The following ACAP2 variants were observed in gnomAD, a reference collection of about 807,000 sequenced individuals.
The protein encoded by ACAP2 is arf-GAP with coiled-coil, ANK repeat and PH domain-containing protein 2.
ACAP2 carries 39 observed loss-of-function variants against 115.8 expected under a neutral mutation model. The observed-to-expected ratio is 0.34, with a 90% CI of 0.26 to 0.44. The LOEUF is 0.44. ACAP2 is among the 20% of genes least tolerant of loss of function. ACAP2 has a pLI of 1.00. For missense variants in ACAP2, 662 were observed against 927.6 expected, an observed-to-expected ratio of 0.71 and a Z score of 3.72; for synonymous variants, 289 against 315.8, an observed-to-expected ratio of 0.92 and a Z score of 0.90.
chr3:195,297,375 T>A, intron 15 of ACAP2, 94 bp from the exon 16 acceptor site: 1 of 989,146 alleles, frequency 1.0e-6, no homozygotes, highest in Non-Finnish European at 1.5e-6. Flanking sequence ...TACAGTTAAC[T>A]AATCCCCTTA....
chr3:195,355,798 C>T (rs1048868444), intron 4 of ACAP2, among the ~76,000 whole-genome samples: 1 of 152,196 alleles, frequency 6.6e-6, no homozygotes, highest in Non-Finnish European at 1.5e-5. Context: ...TCCCCATTTC[C>T]AGTTCTTACA....
At chr3:195,338,603 G>A (rs913884448) in intron 6 of ACAP2, among the ~76,000 whole-genome samples, 4 of 152,198 alleles carry the variant, frequency 2.6e-5, no homozygotes, top group Non-Finnish European at 4.4e-5. Flanking sequence ...TTACAGGAAT[G>A]AGCCCCTGCA....
chr3:195,334,232 A>C (rs1045513452), intron 7 of ACAP2, among the ~76,000 whole-genome samples: 3 of 151,992 alleles, frequency 2.0e-5, no homozygotes, highest in African/African-American at 7.2e-5. Flanking sequence ...CAAAAAAAAA[A>C]AAACCATTAA....
At chr3:195,310,850 A>G (rs960527962) in intron 10 of ACAP2, among the ~76,000 whole-genome samples, 5 of 152,122 alleles carry the variant, frequency 3.3e-5, no homozygotes, top group African/African-American at 1.2e-4. Flanking sequence ...AGAAAATATA[A>G]ACTCTTAATT....
chr3:195,379,254 C>T (rs745703649), intron 4 of ACAP2, among the ~76,000 whole-genome samples: 4 of 152,068 alleles, frequency 2.6e-5, no homozygotes, highest in Non-Finnish European at 5.9e-5. Context: ...GCAATGGATT[C>T]CCTTACACAT....
At chr3:195,299,754 T>C (rs1328282768) in intron 15 of ACAP2, among the ~76,000 whole-genome samples, 5 of 151,624 alleles carry the variant, frequency 3.3e-5, no homozygotes, top group African/African-American at 4.8e-5. Flanking sequence ...AGGAGAATGG[T>C]GTGAACCCAG....
intron 22 of ACAP2, among the ~76,000 whole-genome samples, chr3:195,283,158 T>G (rs762147898): frequency 1.3e-5 from 2 of 151,936 alleles, no homozygotes; most frequent in Non-Finnish European, 2.9e-5. Context: ...TCAAGAAGAG[T>G]CACAGAGCCA....
intron 1 of ACAP2, among the ~76,000 whole-genome samples, chr3:195,406,132 T>C (rs1334250900): frequency 6.6e-6 from 1 of 152,218 alleles, no homozygotes. Flanking sequence ...TAAACATAAA[T>C]GGAAAACTGG....
intron 1 of ACAP2, among the ~76,000 whole-genome samples, chr3:195,429,792 T>G (rs1338025589): frequency 6.6e-6 from 1 of 152,216 alleles, no homozygotes; most frequent in Non-Finnish European, 1.5e-5. Flanking sequence ...GTCACAAAAA[T>G]TTAATCTTAT....
At chr3:195,304,071 G>A (rs1728247420) in intron 13 of ACAP2, among the ~76,000 whole-genome samples, 1 of 147,248 alleles carries the variant, frequency 6.8e-6, no homozygotes, top group African/African-American at 2.5e-5. Flanking sequence ...GGCTGAGGCA[G>A]CAGAATCGCT....
chr3:195,381,991 G>A lies in ACAP2; in HGVS notation c.143C>T (p.Thr48Ile). 1 of 1,608,204 alleles carries A rather than the reference G, an allele frequency of 6.2e-7. No homozygotes were observed. Among genetic ancestry groups the A allele is most frequent in the Non-Finnish European group, 8.5e-7 (1 of 1,178,360 alleles). Residue 48 changes from threonine (T) to isoleucine (I), a missense_variant, in exon 3 of 23, where the codon ACT (threonine) becomes ATT (isoleucine). Coordinates refer to ENST00000326793, the MANE Select transcript of ACAP2 (RefSeq NM_012287.6). Reference sequence around the variant, plus strand: ...ATTTGCAACACAAAAGGCTTTTCCAGTATCAATCATTGCAATACAAAGTTT... The same window carrying A: ...ATTTGCAACACAAAAGGCTTTTCCAATATCAATCATTGCAATACAAAGTTT... ...LVKLCIAMID[T>I]GKAFCVANKQ...
At chr3:195,395,713 T>C (rs1711708151) in intron 1 of ACAP2, among the ~76,000 whole-genome samples, 1 of 152,156 alleles carries the variant, frequency 6.6e-6, no homozygotes, top group Non-Finnish European at 1.5e-5. Context: ...TTACAGAAAG[T>C]TTACTGACCA....
In ACAP2 at chr3:195,289,006, T is replaced by C. The variant is rs566491157; in HGVS notation, c.2174+115A>G. ...TACATACCATTTTATATAAGGGACA[T>C]GAGCATATGTGGATGTTGGTATCCA... is the stretch of plus-strand genomic sequence containing the variant. On this transcript the variant is annotated intron_variant, in intron 21 of 22. Coordinates refer to ENST00000326793, the MANE Select transcript of ACAP2 (RefSeq NM_012287.6). 1.0e-5 allele frequency: 7 copies of C among 690,724 alleles called. No homozygotes were observed. In the African/African-American group the frequency reaches 1.1e-4, roughly 11 times the overall value. 42.8% of individuals were successfully genotyped at this position (690,724 alleles called of 1,614,324 possible).
intron 8 of ACAP2, among the ~76,000 whole-genome samples, chr3:195,329,841 A>G (rs1352786223): frequency 3.3e-5 from 5 of 151,422 alleles, no homozygotes; most frequent in Non-Finnish European, 4.4e-5. Flanking sequence ...CCACTTCCTC[A>G]CTCATCTATG....
chr3:195,409,254 G>A (rs1192506932), intron 1 of ACAP2, among the ~76,000 whole-genome samples: 2 of 152,074 alleles, frequency 1.3e-5, no homozygotes, highest in East Asian at 3.9e-4. Context: ...GCAGGATATA[G>A]TCAACATACA....
chr3:195,378,715 GCCA>G (rs755643627), intron 4 of ACAP2, among the ~76,000 whole-genome samples: 12 of 151,790 alleles, frequency 7.9e-5, no homozygotes, highest in Non-Finnish European at 1.5e-4. Context: ...ACAAAAATTA[GCCA>G]GGCATGGTGG....
intron 22 of ACAP2, chr3:195,279,708 G>C: frequency 4.5e-6 from 1 of 220,418 alleles, no homozygotes; most frequent in East Asian, 9.8e-5. Flanking sequence ...GCAATGTAAA[G>C]AAATACGTTT....
chr3:195,330,945 G>A (rs1730125344), intron 8 of ACAP2, among the ~76,000 whole-genome samples: 1 of 152,140 alleles, frequency 6.6e-6, no homozygotes, highest in African/African-American at 2.4e-5. Flanking sequence ...TGAACCATGA[G>A]GTAGAATCAA....
intron 21 of ACAP2, 100 bp from the exon 22 acceptor site, chr3:195,285,957 T>G: frequency 1.2e-6 from 1 of 847,772 alleles, no homozygotes. Context: ...GTAATTGTGT[T>G]TTATTTGCCA....
Sources: allele counts gnomAD v4.1 joint callset (sites outside exome capture counted in the v4.1 genomes callset), GRCh38; gene constraint gnomAD v4.1.1; transcripts MANE v1.5; gene names NCBI Gene and HGNC (gene_info 2026-07-23, HGNC 2026-07-21).